RPA3: variants seen among roughly 807,000 people sequenced by gnomAD.
RPA3 encodes the protein replication protein A3.
Under a neutral mutation model 13.7 loss-of-function variants are expected in RPA3, and 24 were observed. That is an observed-to-expected ratio of 1.75 (90% CI 1.27 to 2.46). RPA3 has a LOEUF of 2.46. RPA3 is among the 30% of genes most tolerant of loss of function. The pLI is 0.00. For missense variants in RPA3, 183 were observed against 151.0 expected, an observed-to-expected ratio of 1.21 and a Z score of -1.11; for synonymous variants, 59 against 51.2, an observed-to-expected ratio of 1.15 and a Z score of -0.65.
chr7:7,640,220 G>T, intron 5 of RPA3, 100 bp downstream of exon 5: 1 of 1,264,070 alleles, frequency 7.9e-7, no homozygotes. Context: ...CGGGGGCGCA[G>T]TGATCGGAGG....
chr7:7,678,300 C>T (rs1053133435), intron 4 of RPA3, among the ~76,000 whole-genome samples: 1 of 150,950 alleles, frequency 6.6e-6, no homozygotes, highest in Non-Finnish European at 1.5e-5. Flanking sequence ...GAGATGATAT[C>T]TCATTTTGAT....
chr7:7,713,587 T>G (rs1780819602), intron 2 of RPA3, among the ~76,000 whole-genome samples: 1 of 152,092 alleles, frequency 6.6e-6, no homozygotes, highest in Non-Finnish European at 1.5e-5. Context: ...GTTTCATCAT[T>G]TCTTGCTCTT....
intron 4 of RPA3, among the ~76,000 whole-genome samples, chr7:7,662,429 C>G (rs191052566): frequency 3.9e-5 from 6 of 152,258 alleles, no homozygotes; most frequent in African/African-American, 1.4e-4. Context: ...GCTTAAAACC[C>G]AGGTCCGTGG....
intron 6 of RPA3, 72 bp downstream of exon 6, chr7:7,638,998 A>T: frequency 1.6e-6 from 2 of 1,228,624 alleles, no homozygotes; most frequent in South Asian, 3.5e-5. Flanking sequence ...AATTAGAAAC[A>T]TCGGCAACAA....
chr7:7,694,409 A>C (rs764428581), intron 2 of RPA3, among the ~76,000 whole-genome samples: 22 of 152,074 alleles, frequency 1.4e-4, no homozygotes, highest in Non-Finnish European at 1.0e-4. Flanking sequence ...AGTTATTCTA[A>C]AATGTATAAC....
intron 4 of RPA3, among the ~76,000 whole-genome samples, chr7:7,653,073 A>T (rs144962252): frequency 7.1e-4 from 108 of 152,300 alleles, no homozygotes; most frequent in African/African-American, 2.5e-3. Flanking sequence ...CATTATTTAG[A>T]TGTGTTTTAT....
At chr7:7,703,499 A>G (rs539156508) in intron 2 of RPA3, among the ~76,000 whole-genome samples, 1 of 152,334 alleles carries the variant, frequency 6.6e-6, no homozygotes, top group African/African-American at 2.4e-5. Flanking sequence ...ACATACACAT[A>G]ATTTTATAAA....
At chr7:7,662,171 G>A (rs1390689020) in intron 4 of RPA3, among the ~76,000 whole-genome samples, 6 of 152,212 alleles carry the variant, frequency 3.9e-5, no homozygotes, top group African/African-American at 1.4e-4. Context: ...CACCAAGCTC[G>A]AGTGTCCCAG....
At position 7,654,641 on chromosome 7, in the gene RPA3, G is replaced by C. The variant is rs562359110; in HGVS notation, c.-757-13466C>G. ...ATTTGGGCTGGGTGCGGTGGCTCATGCTTGTAATCCCAGCACTTTGGGAGC... is the reference window on the plus strand; with the variant it reads ...ATTTGGGCTGGGTGCGGTGGCTCATCCTTGTAATCCCAGCACTTTGGGAGC... On this transcript the variant is annotated intron_variant, in intron 4 of 7. Coordinates refer to ENST00000223129, the MANE Select transcript of RPA3 (RefSeq NM_002947.5). Among the ~76,000 whole-genome samples the C allele has an allele frequency of 2.6e-5, 4 of 152,330 alleles. No individual in the cohort carries two copies. The East Asian group carries it at 5.8e-4, about 22-fold the overall frequency.
intron 2 of RPA3, among the ~76,000 whole-genome samples, chr7:7,698,544 T>C (rs12532905): frequency 8.5e-5 from 13 of 152,156 alleles, no homozygotes; most frequent in Admixed American, 8.5e-4. Context: ...TGTCTAAATG[T>C]TTTTTTCTTT....
chr7:7,654,556 T>C (rs1362488957), intron 4 of RPA3, among the ~76,000 whole-genome samples: 1 of 152,214 alleles, frequency 6.6e-6, no homozygotes, highest in African/African-American at 2.4e-5. Context: ...CATCCTCCCA[T>C]ATGCTTTATC....
Position 7,640,775 on chromosome 7 carries a change from T to A in RPA3, c.-357A>T, listed in dbSNP as rs921623292. 3 of 233,186 alleles carry A rather than the reference T, an allele frequency of 1.3e-5. No individual in the cohort carries two copies. Among genetic ancestry groups the A allele is most frequent in the Non-Finnish European group, 2.6e-5 (3 of 116,192 alleles). 14.4% of individuals were successfully genotyped at this position (233,186 alleles called of 1,614,324 possible). Reference sequence around the variant, plus strand: ...GTGACTTGACCCCGGAAGTGGGGTGTGAAGCTCCGGTGCTGGTGCGGCGGG... The same window carrying A: ...GTGACTTGACCCCGGAAGTGGGGTGAGAAGCTCCGGTGCTGGTGCGGCGGG... On this transcript the variant is annotated 5_prime_UTR_variant, in exon 5 of 8. Coordinates refer to ENST00000223129, the MANE Select transcript of RPA3 (RefSeq NM_002947.5).
rs752886450 is a variant in RPA3, at chr7:7,694,347, G to C, written c.-1027-7019C>G. Among the ~76,000 whole-genome samples the C allele has an allele frequency of 3.9e-5, 6 of 152,008 alleles. No homozygotes were observed. The East Asian group carries it at 1.2e-3, about 29-fold the overall frequency. On this transcript the variant is annotated intron_variant, in intron 2 of 7. Coordinates refer to ENST00000223129, the MANE Select transcript of RPA3 (RefSeq NM_002947.5). ...TCAGGGTAAATGGGATATCCATCAC[G>C]TCAAGCATTTATCATTTTTTTGTGA... is the stretch of plus-strand genomic sequence containing the variant.
In RPA3 at chr7:7,640,401, G is replaced by C. The variant is rs375619979; in HGVS notation, c.18C>G (p.Asp6Glu). ...CGGCGTTGATGCGCGACCTGGGCAA[G>C]TCCATCATGTCCACCATGATTATGG... MVDMMDLPRSRINAGM... is the reference protein window; with the variant it reads MVDMMELPRSRINAGM... Residue 6 changes from aspartate to glutamate, a missense_variant, in exon 5 of 8, where the codon GAC (aspartate) becomes GAG (glutamate). Coordinates refer to ENST00000223129, the MANE Select transcript of RPA3 (RefSeq NM_002947.5). 4 of 1,613,934 alleles carry C rather than the reference G, an allele frequency of 2.5e-6. No homozygotes were observed. The highest frequency in any genetic ancestry group is 3.4e-6 in the Non-Finnish European group (4 of 1,180,040).
intron 2 of RPA3, among the ~76,000 whole-genome samples, chr7:7,713,102 G>T (rs530791216): frequency 6.6e-6 from 1 of 152,132 alleles, no homozygotes; most frequent in East Asian, 1.9e-4. Flanking sequence ...ACATTGGGAG[G>T]CTAAGGCAGG....
intron 4 of RPA3, among the ~76,000 whole-genome samples, chr7:7,681,202 A>C (rs1216156980): frequency 6.6e-6 from 1 of 152,132 alleles, no homozygotes; most frequent in East Asian, 1.9e-4. Flanking sequence ...GGTCAGAGTA[A>C]ATTATGTTGT....
intron 4 of RPA3, among the ~76,000 whole-genome samples, chr7:7,646,976 G>T (rs968975302): frequency 1.3e-5 from 2 of 152,110 alleles, no homozygotes; most frequent in African/African-American, 4.8e-5. Context: ...TGGAGCCCTC[G>T]CCAGGGACCC....
At chr7:7,662,901 A>G (rs1785510463) in intron 4 of RPA3, among the ~76,000 whole-genome samples, 1 of 152,252 alleles carries the variant, frequency 6.6e-6, no homozygotes, top group Admixed American at 6.5e-5. Flanking sequence ...TATTTATAGT[A>G]TGCTAGAAAC....
chr7:7,640,481 G>C lies in RPA3; in HGVS notation c.-63C>G. The C allele has an allele frequency of 6.2e-6, 9 of 1,460,114 alleles. No homozygotes were observed. Among genetic ancestry groups the C allele is most frequent in the Non-Finnish European group, 8.6e-6 (9 of 1,044,130 alleles). 90.4% of individuals were successfully genotyped at this position (1,460,114 alleles called of 1,614,324 possible). On this transcript the variant is annotated 5_prime_UTR_variant, in exon 5 of 8. Coordinates refer to ENST00000223129, the MANE Select transcript of RPA3 (RefSeq NM_002947.5). ...GGACGACTGAAACTGTGCGCCCCGC[G>C]GGTGTCTATGGGGCAGATTTCTCGG...
Sources: allele counts gnomAD v4.1 joint callset (sites outside exome capture counted in the v4.1 genomes callset), GRCh38; gene constraint gnomAD v4.1.1; transcripts MANE v1.5; gene names NCBI Gene and HGNC (gene_info 2026-07-23, HGNC 2026-07-21).